Variants in KIF5A observed in about 807,000 individuals in gnomAD.
The protein encoded by KIF5A is kinesin heavy chain isoform 5A.
Under a neutral mutation model 141.3 loss-of-function variants are expected in KIF5A, and 35 were observed. That is an observed-to-expected ratio of 0.25 (90% CI 0.19 to 0.33). KIF5A has a LOEUF of 0.33. KIF5A is among the 10% of genes least tolerant of loss of function. The pLI, the probability that KIF5A is intolerant of heterozygous loss-of-function variation, is 1.00. For synonymous variants in KIF5A, 448 were observed against 500.2 expected (o/e 0.90, Z 1.39); for missense variants, 861 against 1,314.3 (o/e 0.66, Z 5.33).
rs1427585188 is a variant in KIF5A at position 57,579,497 on chromosome 12, CA to C, written c.2538+1156del. Among the ~76,000 whole-genome samples, 13 of 152,082 alleles carry C rather than the reference CA, an allele frequency of 8.5e-5. No individual in the cohort carries two copies. The East Asian group carries it at 2.5e-3, about 29-fold the overall frequency. On this transcript the variant is annotated intron_variant, in intron 23 of 28. Transcript: ENST00000455537. ...ATGCCCAGCTTATATAGTAAATATT[CA>C]GTACTTTTTTTTTTCTTAATGAATC... is the stretch of plus-strand genomic sequence containing the variant.
chr12:57,567,657 G>C, intron 8 of KIF5A, 39 bp downstream of exon 8: 1 of 1,548,350 alleles, frequency 6.5e-7, no homozygotes, highest in Non-Finnish European at 8.7e-7. Context: ...TGGAAGCCTT[G>C]GCTCTTTTTT....
At position 57,567,199 on chromosome 12, in the gene KIF5A, A is replaced by G. The variant is rs1193407286; in HGVS notation, c.575A>G (p.His192Arg). The change falls in exon 7 of 29, where the codon CAT becomes CGT. Residue 192 changes from histidine to arginine, a missense_variant. Coordinates refer to ENST00000455537, the MANE Select transcript of KIF5A (RefSeq NM_004984.4). Reference protein sequence around the residue: ...DVIDEGKSNRHVAVTNMNEHS... With the variant: ...DVIDEGKSNRRVAVTNMNEHS... ...ATTGATGAAGGGAAATCAAATCGTC[A>G]TGTGGCTGTCACCAGTGAGTGAGGA... 6.2e-7 allele frequency: 1 copy of G among 1,612,626 alleles called. No individual in the cohort carries two copies. The highest frequency in any genetic ancestry group is 1.1e-5 in the South Asian group (1 of 91,056).
chr12:57,564,493 C>A lies in KIF5A; in HGVS notation c.430C>A (p.Arg144Ser). The change falls in exon 5 of 29, where the codon CGT becomes AGT. Residue 144 changes from arginine to serine, a missense_variant. Physicochemically the swap from Arg to Ser is moderately radical, Grantham distance 110. Coordinates refer to ENST00000455537, the MANE Select transcript of KIF5A (RefSeq NM_004984.4). ...CTTTGAAATTTACCTGGACAAAATT[C>A]GTGACCTTCTGGATGGTGAGTGTTT... ...SYFEIYLDKI[R>S]DLLDVTKTNL... 1 of 1,612,426 alleles carries A rather than the reference C, an allele frequency of 6.2e-7. No individual in the cohort carries two copies. The highest frequency in any genetic ancestry group is 1.1e-5 in the South Asian group (1 of 90,976).
At chr12:57,568,658 G>C (rs1882145737) in intron 8 of KIF5A, among the ~76,000 whole-genome samples, 1 of 152,146 alleles carries the variant, frequency 6.6e-6, no homozygotes, top group Non-Finnish European at 1.5e-5. Flanking sequence ...CTGGGAGGCG[G>C]AGGTTGTGGT....
chr12:57,563,578 G>A (rs754627257), intron 2 of KIF5A, 42 bp from the exon 3 acceptor site: 18 of 1,609,148 alleles, frequency 1.1e-5, no homozygotes, highest in African/African-American at 5.4e-5. Flanking sequence ...TTTCCTACCC[G>A]ACCTATCTCC....
intron 27 of KIF5A, 52 bp from the exon 28 acceptor site, chr12:57,583,049 C>A: frequency 7.1e-7 from 1 of 1,416,916 alleles, no homozygotes; most frequent in Non-Finnish European, 9.9e-7. Flanking sequence ...ACCATGATGA[C>A]AGGAATACTT....
chr12:57,560,420 A>G (rs1342671808), intron 1 of KIF5A, among the ~76,000 whole-genome samples: 3 of 152,204 alleles, frequency 2.0e-5, no homozygotes, highest in African/African-American at 7.2e-5. Context: ...TGTAAAATTT[A>G]AGGCTTTTGA....
At chr12:57,583,950 C>T (rs1305178288) in intron 28 of KIF5A, among the ~76,000 whole-genome samples, 1 of 152,162 alleles carries the variant, frequency 6.6e-6, no homozygotes, top group Non-Finnish European at 1.5e-5. Context: ...AAGCTGAGCC[C>T]TCTCCAGGGG....
chr12:57,570,247 T>C (rs1882210613), intron 12 of KIF5A, 85 bp downstream of exon 12: 1 of 1,269,992 alleles, frequency 7.9e-7, no homozygotes, highest in Admixed American at 1.9e-5. Context: ...ATTGCCTCTT[T>C]CTGGTTTTAA....
At chr12:57,581,224 C>A in intron 24 of KIF5A, 52 bp downstream of exon 24, 1 of 1,561,554 alleles carries the variant, frequency 6.4e-7, no homozygotes. Context: ...GCAAATTTAG[C>A]AAATTGCTAA....
In KIF5A at chr12:57,581,410, T is replaced by G. The variant is rs778700030; in HGVS notation, c.2756-5T>G. 4.0e-5 allele frequency: 64 copies of G among 1,613,680 alleles called. No individual in the cohort carries two copies. Among genetic ancestry groups the G allele is most frequent in the Non-Finnish European group, 5.4e-5 (64 of 1,180,030 alleles). ...CCTCATGGTTGTTTTCTTTCTTTATTGCAGCCAAACCCGTCCGGCCTGGCC... is the reference window on the plus strand; with the variant it reads ...CCTCATGGTTGTTTTCTTTCTTTATGGCAGCCAAACCCGTCCGGCCTGGCC... On this transcript the variant is annotated splice_polypyrimidine_tract_variant and splice_region_variant and intron_variant, in intron 24 of 28. Transcript: ENST00000455537.
rs1484472471 is a variant in KIF5A, at chr12:57,581,568, A to G, written c.2909A>G (p.Tyr970Cys). 6.2e-7 allele frequency: 1 copy of G among 1,614,026 alleles called. No homozygotes were observed. The highest frequency in any genetic ancestry group is 8.5e-7 in the Non-Finnish European group (1 of 1,180,034). ...QATPSSTSDM[Y>C]FANSCTSSGA... ...ACACCCAGCTCCACCTCAGATATGT[A>G]GTGAGTGACCACACGTGTGGGTTGG... The change falls in exon 25 of 29, where the codon TAC becomes TGC. Residue 970 changes from tyrosine (Y) to cysteine (C), a missense_variant and splice_region_variant. Transcript: ENST00000455537.
In KIF5A at chr12:57,581,073, G is replaced by T. The variant is rs1017745641; in HGVS notation, c.2656G>T (p.Ala886Ser). 4.3e-6 allele frequency: 7 copies of T among 1,613,990 alleles called. No individual in the cohort carries two copies. Among genetic ancestry groups the T allele is most frequent in the Non-Finnish European group, 5.1e-6 (6 of 1,180,032 alleles). The change falls in exon 24 of 29, where the codon GCC (alanine) becomes TCC (serine). Residue 886 changes from alanine (A) to serine (S), a missense_variant. Around this residue, in one of 5 missense-constraint regions of KIF5A, gnomAD observed 482 missense variants for 661.3 expected, o/e 0.73. Coordinates refer to ENST00000455537, the MANE Select transcript of KIF5A (RefSeq NM_004984.4). ...TGCACTGAAGGAGGCCAAGGAGGGCGCCATGAAGGACAAGCGCCGGTACCA... is the reference window on the plus strand; with the variant it reads ...TGCACTGAAGGAGGCCAAGGAGGGCTCCATGAAGGACAAGCGCCGGTACCA... ...EGALKEAKEG[A>S]MKDKRRYQQE...
In KIF5A at chr12:57,586,443, C is replaced by T. The variant is rs145320827; in HGVS notation, c.*2262C>T. ...CTTCACACTACATCCTCCTCCTCCT[C>T]CTGCTCCCCACCTTCACCGCATCCC... On this transcript the variant is annotated 3_prime_UTR_variant, in exon 29 of 29. Coordinates refer to ENST00000455537, the MANE Select transcript of KIF5A (RefSeq NM_004984.4). 1 of 152,480 alleles carries T rather than the reference C, an allele frequency of 6.6e-6. No individual in the cohort carries two copies. The highest frequency in any genetic ancestry group is 1.5e-5 in the Non-Finnish European group (1 of 68,058). The allele number at this position is 152,480 out of a possible 1,614,324, so 9.4% of individuals were successfully genotyped here.
chr12:57,568,130 C>T (rs12231916), intron 8 of KIF5A, among the ~76,000 whole-genome samples: 63,108 of 151,790 alleles, frequency 0.42, 13,576 homozygotes, highest in East Asian at 0.7. Flanking sequence ...ATCCACCTGC[C>T]TCGGCCTCCC....
intron 17 of KIF5A, 127 bp downstream of exon 17, chr12:57,575,884 A>C: frequency 1.1e-6 from 1 of 913,308 alleles, no homozygotes; most frequent in Non-Finnish European, 1.8e-6. Flanking sequence ...CTCATATGTT[A>C]GCCAAGGTTT....
At chr12:57,571,494 T>A in intron 13 of KIF5A, 105 bp downstream of exon 13, 1 of 1,158,724 alleles carries the variant, frequency 8.6e-7, no homozygotes, top group Non-Finnish European at 1.3e-6. Context: ...CGCTTTCTGC[T>A]TGGGGATTAA....
chr12:57,572,742 C>G lies in KIF5A; in HGVS notation c.1716+16C>G. On this transcript the variant is annotated intron_variant, in intron 15 of 28. Coordinates refer to ENST00000455537, the MANE Select transcript of KIF5A (RefSeq NM_004984.4). This position sits in a 1 kb window ranked among gnomAD's most constrained non-coding sequence, Gnocchi z 4.2. Reference sequence around the variant, plus strand: ...GATTAAGCTGGTGAGTGGTGAGAGACAGCAGCCTTGTTCAGGCTGGGCACT... The same window carrying G: ...GATTAAGCTGGTGAGTGGTGAGAGAGAGCAGCCTTGTTCAGGCTGGGCACT... 1 of 1,614,152 alleles carries G rather than the reference C, an allele frequency of 6.2e-7. No homozygotes were observed. The highest frequency in any genetic ancestry group is 1.1e-5 in the South Asian group (1 of 91,088).
intron 8 of KIF5A, among the ~76,000 whole-genome samples, chr12:57,568,584 G>C (rs1156986481): frequency 6.6e-6 from 1 of 152,136 alleles, no homozygotes; most frequent in Non-Finnish European, 1.5e-5. Flanking sequence ...AATTAGCTGG[G>C]CGTGGTGGCA....
Sources: gnomAD v4.1 joint callset for allele counts (sites outside exome capture counted in the v4.1 genomes callset) on GRCh38, gnomAD v4.1.1 for gene constraint, gnomAD v4.1.1 regional missense constraint, Gnocchi (gnomAD v3.1) non-coding constraint, MANE v1.5 for transcripts, NCBI Gene and HGNC (gene_info 2026-07-23, HGNC 2026-07-21) for gene names.